Variants in ABHD8 observed in about 807,000 individuals in gnomAD.
The protein encoded by ABHD8 is protein ABHD8.
A neutral mutation model predicts 29.3 loss-of-function variants in ABHD8; 10 were observed. The observed-to-expected ratio is 0.34, with a 90% CI of 0.21 to 0.58. ABHD8 has a LOEUF of 0.58. Among genes scored for constraint, ABHD8 ranks in the 20% least tolerant of loss-of-function variants. ABHD8 has a pLI of 0.85. For synonymous variants in ABHD8, 282 were observed against 274.6 expected (o/e 1.03, Z -0.27); for missense variants, 556 against 615.3 (o/e 0.90, Z 1.02).
intron 2 of ABHD8, among the ~76,000 whole-genome samples, chr19:17,299,258 T>C (rs987035791): frequency 6.2e-5 from 8 of 129,140 alleles, no homozygotes; most frequent in African/African-American, 2.1e-4. Context: ...CTCTATATAA[T>C]TTTTTTTTGA....
intron 2 of ABHD8, among the ~76,000 whole-genome samples, chr19:17,298,735 C>CTTT (rs34731394): frequency 0.045 from 3,211 of 70,726 alleles, 63 homozygotes; most frequent in Non-Finnish European, 0.051. Context: ...AACAACACTG[C>CTTT]TTTTTTTTTT....
At position 17,294,743 on chromosome 19, in the gene ABHD8, G is replaced by C. The variant is rs780190388; in HGVS notation, c.864C>G (p.Cys288Trp). 6.2e-7 allele frequency: 1 copy of C among 1,614,194 alleles called. No individual in the cohort carries two copies. Among genetic ancestry groups the C allele is most frequent in the South Asian group, 1.1e-5 (1 of 91,086 alleles). ...GGPTALEPSFCSIFNMPTCVL... is the reference protein window; with the variant it reads ...GGPTALEPSFWSIFNMPTCVL... ...CGCAGGTGGGCATGTTGAAGATTGA[G>C]CAGAAGCTGGGCTCCAGCGCCGTAG... Residue 288 changes from cysteine to tryptophan, a missense_variant, in exon 3 of 5, where the codon TGC (cysteine) becomes TGG (tryptophan). Cys to Trp is a radical substitution (Grantham distance 215). Transcript: ENST00000247706.
intron 4 of ABHD8, 34 bp downstream of exon 4, chr19:17,294,254 T>G: frequency 1.3e-6 from 2 of 1,585,640 alleles, no homozygotes. Flanking sequence ...CCCTGGGGAT[T>G]TGTAGCTGTG....
In ABHD8 at chr19:17,300,927, C is replaced by T; in HGVS notation, c.690G>A (p.Leu230=). The T allele has an allele frequency of 6.2e-7, 1 of 1,612,326 alleles. No homozygotes were observed. Among genetic ancestry groups the T allele is most frequent in the Non-Finnish European group, 8.5e-7 (1 of 1,179,000 alleles). The stretch of plus-strand genomic sequence containing the variant: ...TGAAGATTGCTCGCATGTCCTCAGC[C>T]AGCGCATAGAAGGTGTAGGCTGCGG... ...QVAAAYTFYA[L]AEDMRAIFKR... Residue 230 remains leucine (L), a synonymous_variant, in exon 2 of 5, where the codon CTG becomes CTA. Coordinates refer to ENST00000247706, the MANE Select transcript of ABHD8 (RefSeq NM_024527.5).
chr19:17,293,196 A>G (rs1225798767), intron 4 of ABHD8, among the ~76,000 whole-genome samples: 1 of 151,066 alleles, frequency 6.6e-6, no homozygotes, highest in East Asian at 1.9e-4. Flanking sequence ...CCCGGCTTCA[A>G]GCGATTCTCT....
At position 17,300,845 on chromosome 19, in the gene ABHD8, G is replaced by A; in HGVS notation, c.761+11C>T. 6.3e-7 allele frequency: 1 copy of A among 1,575,954 alleles called. No individual in the cohort carries two copies. The highest frequency in any genetic ancestry group is 2.3e-5 in the East Asian group (1 of 44,236). On this transcript the variant is annotated intron_variant, in intron 2 of 4. Transcript: ENST00000247706. ...CCCTCACCCCCACCCCACATGCCAG[G>A]GTTCACTTACCCGTAGGAATGGCCA...
At position 17,303,409 on chromosome 19, in the gene ABHD8, G is replaced by A. The variant is rs927781340; in HGVS notation, c.-176C>T. 2.0e-5 allele frequency: 3 copies of A among 152,310 alleles called. No homozygotes were observed. Among genetic ancestry groups the A allele is most frequent in the African/African-American group, 7.2e-5 (3 of 41,472 alleles). The allele number at this position is 152,310 out of a possible 1,614,324, so 9.4% of individuals were successfully genotyped here. A position where few individuals can be genotyped will look rare whatever the true frequency, so the allele number is the denominator to read the frequency against. On this transcript the variant is annotated 5_prime_UTR_variant, in exon 1 of 5. Coordinates refer to ENST00000247706, the MANE Select transcript of ABHD8 (RefSeq NM_024527.5). The stretch of plus-strand genomic sequence containing the variant: ...AGCGCAGGGGCATCCCGCGGCCGCC[G>A]AAACAGCCGGCCCTTTAAGTTCCTC...
chr19:17,299,388 C>T (rs998300511), intron 2 of ABHD8, among the ~76,000 whole-genome samples: 12 of 151,862 alleles, frequency 7.9e-5, no homozygotes, highest in East Asian at 1.9e-4. Context: ...GGTGAAACCC[C>T]GTCTGTACTA....
rs773955225 is a variant in ABHD8 at position 17,301,452 on chromosome 19, A to AGCG, written c.162_164dup (p.Ala56dup). The stretch of plus-strand genomic sequence containing the variant: ...ATGCGGATGATGGTGGAGGTGGGGC[A>AGCG]GCGGCTGGGGCGGGTCCTGCATGCT... On this transcript the variant is annotated inframe_insertion, in exon 2 of 5. Coordinates refer to ENST00000247706, the MANE Select transcript of ABHD8 (RefSeq NM_024527.5). 2.5e-6 allele frequency: 4 copies of AGCG among 1,611,998 alleles called. No homozygotes were observed. Among genetic ancestry groups the AGCG allele is most frequent in the Non-Finnish European group, 2.5e-6 (3 of 1,179,788 alleles).
At position 17,301,379 on chromosome 19, in the gene ABHD8, G is replaced by A. The variant is rs1260743268; in HGVS notation, c.238C>T (p.Arg80Cys). The change falls in exon 2 of 5, where the codon CGC becomes TGC. Residue 80 changes from arginine to cysteine, a missense_variant. By Grantham distance (180) the Arg-to-Cys change is radical. Coordinates refer to ENST00000247706, the MANE Select transcript of ABHD8 (RefSeq NM_024527.5). ...CCATTGCGGTACACGGTGATCCGGC[G>A]CTGACAGCGGACCAAGCCGGAGAGG... ...GDLSGLVRCQ[R>C]RITVYRNGRL... The A allele has an allele frequency of 1.9e-6, 3 of 1,611,160 alleles. No homozygotes were observed. The highest frequency in any genetic ancestry group is 1.7e-6 in the Non-Finnish European group (2 of 1,179,928).
chr19:17,294,201 G>T (rs6512183), intron 4 of ABHD8, 87 bp downstream of exon 4: 7 of 1,463,186 alleles, frequency 4.8e-6, no homozygotes, highest in Non-Finnish European at 6.4e-6. Flanking sequence ...CCCACCAAGC[G>T]CTACCACGCC....
rs954817387 is a variant in ABHD8, at chr19:17,299,244, C to CG, written c.761+1611_761+1612insC. On this transcript the variant is annotated intron_variant, in intron 2 of 4. Transcript: ENST00000247706. The stretch of plus-strand genomic sequence containing the variant: ...GGGCAACATAATGAGACCCCCCCCC[C>CG]ATTCTCTATATAATTTTTTTTTGAA... Among the ~76,000 whole-genome samples, 354 of 148,164 alleles carry CG rather than the reference C, an allele frequency of 2.4e-3. 1 individual carries two copies. Among genetic ancestry groups the CG allele is most frequent in the African/African-American group, 8.6e-3 (346 of 40,210 alleles).
chr19:17,301,808 G>GTGTTTT (rs1491251074), intron 1 of ABHD8, among the ~76,000 whole-genome samples, 184 bp from the exon 2 acceptor site: 21 of 142,496 alleles, frequency 1.5e-4, no homozygotes, highest in African/African-American at 4.3e-4. Flanking sequence ...GTGTGTGTGT[G>GTGTTTT]TTTTTGAGAC....
Position 17,301,120 on chromosome 19 carries a change from A to G in ABHD8, c.497T>C (p.Ile166Thr). The change falls in exon 2 of 5, where the codon ATC becomes ACC. Residue 166 changes from isoleucine (I) to threonine (T), a missense_variant. Physicochemically the swap from Ile to Thr is moderately conservative, Grantham distance 89. Transcript: ENST00000247706. ...GGCCTGGGCGCCTTTGCAGCTAGTG[A>G]TGCGCTTCTCACAGTCAATATGGAT... ...RTIHIDCEKR[I>T]TSCKGAQADV... 6.2e-7 allele frequency: 1 copy of G among 1,613,100 alleles called. No individual in the cohort carries two copies. The highest frequency in any genetic ancestry group is 1.7e-5 in the Admixed American group (1 of 60,030).
At position 17,300,925 on chromosome 19, in the gene ABHD8, G is replaced by A; in HGVS notation, c.692C>T (p.Ala231Val). 1 of 1,612,212 alleles carries A rather than the reference G, an allele frequency of 6.2e-7. No homozygotes were observed. The highest frequency in any genetic ancestry group is 8.5e-7 in the Non-Finnish European group (1 of 1,178,934). ...CTTGAAGATTGCTCGCATGTCCTCA[G>A]CCAGCGCATAGAAGGTGTAGGCTGC... ...VAAAYTFYAL[A>V]EDMRAIFKRY... Residue 231 changes from alanine to valine, a missense_variant, in exon 2 of 5, where the codon GCT becomes GTT. Physicochemically the swap from Ala to Val is moderately conservative, Grantham distance 64. This residue lies in a region of ABHD8 where 270 missense variants were observed against 353.9 expected (regional missense o/e 0.76). Transcript: ENST00000247706.
At chr19:17,300,709 C>T in intron 2 of ABHD8, 147 bp downstream of exon 2, 1 of 1,053,242 alleles carries the variant, frequency 9.5e-7, no homozygotes, top group Non-Finnish European at 1.4e-6. Flanking sequence ...AACTCCCAAC[C>T]TCAGGTGATC....
Position 17,301,497 on chromosome 19 carries a change from G to C in ABHD8, c.120C>G (p.Pro40=), listed in dbSNP as rs1227851623. Residue 40 remains proline (P), a synonymous_variant, in exon 2 of 5, where the codon CCC becomes CCG. Coordinates refer to ENST00000247706, the MANE Select transcript of ABHD8 (RefSeq NM_024527.5). The part of the protein sequence containing the change: ...SDGYTFVEVK[P]GRVLRVKHAG... ...CATGCTTCACCCGCAGCACGCGGCC[G>C]GGCTTGACCTCTACAAAGGTGTAGC... 6.2e-7 allele frequency: 1 copy of C among 1,611,706 alleles called. No homozygotes were observed. The highest frequency in any genetic ancestry group is 1.1e-5 in the South Asian group (1 of 90,996).
intron 2 of ABHD8, 116 bp from the exon 3 acceptor site, chr19:17,294,961 TC>T (rs2074087278): frequency 4.6e-6 from 6 of 1,293,710 alleles, no homozygotes. Context: ...TTTTACTCTG[TC>T]CCCCAGGCTG....
At chr19:17,302,635 A>G (rs1428682556) in intron 1 of ABHD8, among the ~76,000 whole-genome samples, 4 of 151,966 alleles carry the variant, frequency 2.6e-5, no homozygotes, top group Non-Finnish European at 5.9e-5. Flanking sequence ...AGGCCCAGAC[A>G]CTCTGAGAGG....
Sources: allele counts gnomAD v4.1 joint callset (sites outside exome capture counted in the v4.1 genomes callset), GRCh38; gene constraint gnomAD v4.1.1; regional missense constraint gnomAD v4.1.1; transcripts MANE v1.5; gene names NCBI Gene and HGNC (gene_info 2026-07-23, HGNC 2026-07-21).